Variants in XXYLT1 observed in about 807,000 individuals in gnomAD.
The protein encoded by XXYLT1 is xyloside xylosyltransferase 1.
Under a neutral mutation model 28.9 loss-of-function variants are expected in XXYLT1, and 20 were observed. The observed-to-expected ratio is 0.69, with a 90% CI of 0.49 to 1.00. The LOEUF (loss-of-function observed/expected upper bound fraction) is 1.00. XXYLT1 is among the 50% of genes least tolerant of loss of function. The pLI is 0.00. For synonymous variants in XXYLT1, 257 were observed against 253.8 expected, an observed-to-expected ratio of 1.01 and a Z score of -0.12; for missense variants, 542 against 560.1, an observed-to-expected ratio of 0.97 and a Z score of 0.33.
At position 195,168,648 on chromosome 3, in the gene XXYLT1, G is replaced by A. The variant is rs1334631306; in HGVS notation, c.653-12067C>T. ...AGGTGCTGGGACCTGCCTTACTACT[G>A]ACAGCTCCCCTCTCTTCTGCAACAT... On this transcript the variant is annotated intron_variant, in intron 2 of 3. Coordinates refer to ENST00000310380, the MANE Select transcript of XXYLT1 (RefSeq NM_152531.5). This position sits in a 1 kb window ranked among gnomAD's most constrained non-coding sequence, Gnocchi z 4.3. Among the ~76,000 whole-genome samples the A allele has an allele frequency of 6.6e-6, 1 of 152,128 alleles. No individual in the cohort carries two copies. Among genetic ancestry groups the A allele is most frequent in the Non-Finnish European group, 1.5e-5 (1 of 68,028 alleles).
chr3:195,146,832 C>A, intron 3 of XXYLT1: 1 of 153,546 alleles, frequency 6.5e-6, no homozygotes, highest in Non-Finnish European at 1.5e-5. Flanking sequence ...TCATTTCCAG[C>A]CTGGGCTGCT....
At chr3:195,248,691 G>A (rs150722416) in intron 1 of XXYLT1, among the ~76,000 whole-genome samples, 3,081 of 152,256 alleles carry the variant, frequency 0.02, 94 homozygotes, top group African/African-American at 0.069. Context: ...GCCAAGGCGG[G>A]TGGATAACCT....
At chr3:195,241,735 C>T (rs187086619) in intron 1 of XXYLT1, among the ~76,000 whole-genome samples, 49 of 152,104 alleles carry the variant, frequency 3.2e-4, no homozygotes, top group Admixed American at 2.0e-3. Flanking sequence ...TCAGTTCAAA[C>T]GTCACCTCCA....
intron 1 of XXYLT1, among the ~76,000 whole-genome samples, chr3:195,264,767 T>C (rs1725790277): frequency 6.6e-6 from 1 of 152,172 alleles, no homozygotes; most frequent in South Asian, 2.1e-4. Flanking sequence ...GAATACATGC[T>C]ATAAAAGACA....
At chr3:195,166,154 A>T (rs1424636624) in intron 2 of XXYLT1, among the ~76,000 whole-genome samples, 1 of 151,982 alleles carries the variant, frequency 6.6e-6, no homozygotes, top group Non-Finnish European at 1.5e-5. Context: ...TTTCACCACC[A>T]AGAAACCCCC....
chr3:195,195,529 T>C lies in XXYLT1; in HGVS notation c.652+31180A>G, dbSNP rs1454520482. On this transcript the variant is annotated intron_variant, in intron 2 of 3. Coordinates refer to ENST00000310380, the MANE Select transcript of XXYLT1 (RefSeq NM_152531.5). This position sits in a 1 kb window ranked among gnomAD's most constrained non-coding sequence, Gnocchi z 4.4. ...CTTTAAAAAAATAAAAGGACTCTCTTTTCTGTGTGTTCCTTTGTTCCTGGA... is the reference window on the plus strand; with the variant it reads ...CTTTAAAAAAATAAAAGGACTCTCTCTTCTGTGTGTTCCTTTGTTCCTGGA... 6.6e-6 allele frequency among the ~76,000 whole-genome samples: 1 copy of C among 152,224 alleles called. No individual in the cohort carries two copies. Among genetic ancestry groups the C allele is most frequent in the Non-Finnish European group, 1.5e-5 (1 of 68,032 alleles).
At chr3:195,261,708 C>T (rs4677820) in intron 1 of XXYLT1, among the ~76,000 whole-genome samples, 127,007 of 152,172 alleles carry the variant, frequency 0.83, 53,286 homozygotes, top group East Asian at 0.95. Flanking sequence ...AAATGCATTT[C>T]GGTAAATATA....
chr3:195,214,827 A>G (rs556742515), intron 2 of XXYLT1: 2 of 152,392 alleles, frequency 1.3e-5, no homozygotes, highest in African/African-American at 4.8e-5. Flanking sequence ...TTGGAACGAT[A>G]CAGAGAAGAT....
At chr3:195,111,419 G>A (rs963872041) in intron 3 of XXYLT1, among the ~76,000 whole-genome samples, 1 of 152,124 alleles carries the variant, frequency 6.6e-6, no homozygotes, top group Non-Finnish European at 1.5e-5. Context: ...AGCAGAGAGG[G>A]GAGATGGGGA....
intron 3 of XXYLT1, among the ~76,000 whole-genome samples, chr3:195,149,999 T>C (rs1361816791): frequency 2.0e-5 from 3 of 152,150 alleles, no homozygotes; most frequent in Non-Finnish European, 4.4e-5. Context: ...GGGGTTAAGA[T>C]GCTGAGAAGC....
intron 3 of XXYLT1, among the ~76,000 whole-genome samples, chr3:195,087,715 G>C (rs1715815314): frequency 6.6e-6 from 1 of 152,224 alleles, no homozygotes; most frequent in South Asian, 2.1e-4. Flanking sequence ...CTGGTGTACA[G>C]CTCCCAGCGT....
At chr3:195,088,963 G>C (rs1056022461) in intron 3 of XXYLT1, among the ~76,000 whole-genome samples, 1 of 151,970 alleles carries the variant, frequency 6.6e-6, no homozygotes, top group Non-Finnish European at 1.5e-5. Context: ...AAGCAAGAAG[G>C]GAAGTTTAGA....
intron 2 of XXYLT1, among the ~76,000 whole-genome samples, chr3:195,178,007 A>G (rs1192610269): frequency 6.6e-6 from 1 of 151,842 alleles, no homozygotes; most frequent in Admixed American, 6.6e-5. Context: ...TTACAAGGGT[A>G]TATAAGTTTG....
rs1181507643 is a variant in XXYLT1 at position 195,091,479 on chromosome 3, C to G, written c.786-21368G>C. On this transcript the variant is annotated intron_variant, in intron 3 of 3. Coordinates refer to ENST00000310380, the MANE Select transcript of XXYLT1 (RefSeq NM_152531.5). ...AAAGCCTTTGACAAAATTCAACAAC[C>G]CTTCATGCTAAAAACTCTCAATAAA... 8.4e-5 allele frequency among the ~76,000 whole-genome samples: 7 copies of G among 83,404 alleles called. 1 individual carries two copies. Among genetic ancestry groups the G allele is most frequent in the African/African-American group, 1.4e-4 (2 of 13,986 alleles). The allele number at this position is 83,404 out of a possible 152,430, so 54.7% of individuals were successfully genotyped here. A position where few individuals can be genotyped will look rare whatever the true frequency, so the allele number is the denominator to read the frequency against.
intron 3 of XXYLT1, among the ~76,000 whole-genome samples, chr3:195,153,690 T>TA (rs1720404277): frequency 6.6e-6 from 1 of 152,206 alleles, no homozygotes; most frequent in Non-Finnish European, 1.5e-5. Flanking sequence ...GCACTGTTTA[T>TA]AAAATCCTAG....
At chr3:195,251,944 CA>C (rs1354448461) in intron 1 of XXYLT1, among the ~76,000 whole-genome samples, 1 of 152,156 alleles carries the variant, frequency 6.6e-6, no homozygotes, top group Non-Finnish European at 1.5e-5. Flanking sequence ...GTGGGAGTGA[CA>C]AAACAGGGGA....
intron 3 of XXYLT1, among the ~76,000 whole-genome samples, chr3:195,081,532 G>A (rs112232692): frequency 1.2e-5 from 1 of 84,976 alleles, no homozygotes; most frequent in Non-Finnish European, 2.0e-5. Flanking sequence ...GAAAAAAAAT[G>A]TACAGTGCAC....
chr3:195,102,159 T>C (rs959246562), intron 3 of XXYLT1, among the ~76,000 whole-genome samples: 2 of 152,102 alleles, frequency 1.3e-5, no homozygotes, highest in Non-Finnish European at 2.9e-5. Context: ...ATAGAATGAA[T>C]GTCTTCTGAA....
At chr3:195,086,853 C>G (rs1167466453) in intron 3 of XXYLT1, among the ~76,000 whole-genome samples, 2 of 152,086 alleles carry the variant, frequency 1.3e-5, no homozygotes, top group African/African-American at 4.8e-5. Context: ...AGCTCCGGGT[C>G]CTGGCTTCTG....
Sources: allele counts gnomAD v4.1 joint callset (sites outside exome capture counted in the v4.1 genomes callset), GRCh38; gene constraint gnomAD v4.1.1; non-coding constraint Gnocchi (gnomAD v3.1); transcripts MANE v1.5; gene names NCBI Gene and HGNC (gene_info 2026-07-23, HGNC 2026-07-21).